SLC4A8: variants seen among roughly 807,000 people sequenced by gnomAD.
SLC4A8 encodes the protein electroneutral sodium bicarbonate exchanger 1.
Under a neutral mutation model 125.0 loss-of-function variants are expected in SLC4A8, and 40 were observed. That is an observed-to-expected ratio of 0.32 (90% confidence interval 0.25 to 0.42). SLC4A8 has a LOEUF of 0.42. Ranked by LOEUF, SLC4A8 falls within the 10% of genes least tolerant of loss-of-function variation. The pLI is 1.00. For missense variants in SLC4A8, 863 were observed against 1,355.1 expected (o/e 0.64, Z 5.70); for synonymous variants, 456 against 476.0 (o/e 0.96, Z 0.55).
chr12:51,403,569 T>G (rs1948433543), intron 1 of SLC4A8, among the ~76,000 whole-genome samples: 1 of 152,112 alleles, frequency 6.6e-6, no homozygotes, highest in Non-Finnish European at 1.5e-5. Flanking sequence ...TTGTGTCAAC[T>G]CCCAAAGAAG....
At chr12:51,430,311 G>A (rs977517385) in intron 1 of SLC4A8, among the ~76,000 whole-genome samples, 2 of 152,090 alleles carry the variant, frequency 1.3e-5, no homozygotes, top group African/African-American at 2.4e-5. Flanking sequence ...ACATGTTGGA[G>A]CTCAGTAAAT....
At chr12:51,454,377 A>G (rs538404409) in intron 5 of SLC4A8, among the ~76,000 whole-genome samples, 287 of 150,506 alleles carry the variant, frequency 1.9e-3, no homozygotes, top group Non-Finnish European at 3.4e-3. Flanking sequence ...GAGACAAAGT[A>G]TAGAGAAAGA....
chr12:51,503,452 C>T (rs921973184), intron 22 of SLC4A8, among the ~76,000 whole-genome samples: 1 of 152,090 alleles, frequency 6.6e-6, no homozygotes, highest in East Asian at 1.9e-4. Context: ...ACTTCATGAT[C>T]TGCCCACCTC....
rs201782205 is a variant in SLC4A8 at position 51,457,548 on chromosome 12, A to T, written c.763+9A>T. On this transcript the variant is annotated intron_variant, in intron 6 of 24. Coordinates refer to ENST00000453097, the MANE Select transcript of SLC4A8 (RefSeq NM_001039960.3). The stretch of plus-strand genomic sequence containing the variant: ...TTTGATGGATAAACATGGTAAGATT[A>T]TTAGGTGATTTTTCTCTCTTTATTA... 6.2e-5 allele frequency: 99 copies of T among 1,605,988 alleles called. 1 individual carries two copies. In the East Asian group the frequency reaches 2.0e-3, roughly 33 times the overall value.
At chr12:51,500,426 A>G (rs926511693) in intron 22 of SLC4A8, among the ~76,000 whole-genome samples, 5 of 152,116 alleles carry the variant, frequency 3.3e-5, no homozygotes, top group Non-Finnish European at 7.4e-5. Flanking sequence ...TGATAATTAT[A>G]TAATTGTGAG....
intron 24 of SLC4A8, among the ~76,000 whole-genome samples, chr12:51,506,431 CT>C (rs773339014): frequency 6.6e-6 from 1 of 150,698 alleles, no homozygotes; most frequent in Non-Finnish European, 1.5e-5. Flanking sequence ...TTTTCTTTTC[CT>C]TTTTTTCTTT....
chr12:51,436,050 A>G (rs778748135), intron 1 of SLC4A8, among the ~76,000 whole-genome samples: 4 of 152,214 alleles, frequency 2.6e-5, no homozygotes, highest in Non-Finnish European at 5.9e-5. Flanking sequence ...AAAAATAAAA[A>G]CGCATTGTAT....
At chr12:51,487,209 GAGA>G (rs770960404) in intron 17 of SLC4A8, among the ~76,000 whole-genome samples, 1 of 152,180 alleles carries the variant, frequency 6.6e-6, no homozygotes, top group African/African-American at 2.4e-5. Context: ...TCAGGAGGCA[GAGA>G]AGAAGTTTTC....
In SLC4A8 at chr12:51,507,495, T is replaced by C; in HGVS notation, c.*57T>C. On this transcript the variant is annotated 3_prime_UTR_variant, in exon 25 of 25. Transcript: ENST00000453097. Reference sequence around the variant, plus strand: ...TGTGGTGCCTCAGGGAAGTTCTGGTTACAGAGAAAATGGCGAGTCTCTCAG... The same window carrying C: ...TGTGGTGCCTCAGGGAAGTTCTGGTCACAGAGAAAATGGCGAGTCTCTCAG... The C allele has an allele frequency of 7.7e-7, 1 of 1,291,692 alleles. No homozygotes were observed. Among genetic ancestry groups the C allele is most frequent in the Non-Finnish European group, 1.0e-6 (1 of 987,390 alleles). The allele number at this position is 1,291,692 out of a possible 1,614,324, so 80.0% of individuals were successfully genotyped here. A position where few individuals can be genotyped will look rare whatever the true frequency, so the allele number is the denominator to read the frequency against.
At chr12:51,496,089 G>T (rs1176901373) in intron 21 of SLC4A8, among the ~76,000 whole-genome samples, 2 of 152,002 alleles carry the variant, frequency 1.3e-5, no homozygotes, top group Non-Finnish European at 2.9e-5. Context: ...TCTCAATTTT[G>T]TCAGGCTACA....
At chr12:51,484,981 G>C (rs1426753692) in intron 16 of SLC4A8, among the ~76,000 whole-genome samples, 1 of 152,118 alleles carries the variant, frequency 6.6e-6, no homozygotes, top group African/African-American at 2.4e-5. Flanking sequence ...GTTAGGTAGA[G>C]GCATGAACAA....
In SLC4A8 at chr12:51,495,132, T is replaced by A. The variant is rs745859523; in HGVS notation, c.2943+14T>A. Reference sequence around the variant, plus strand: ...TTCCCAATGATGGTGAGGTGGTTTTTAAAAAATAAATTCTTATTATCATTG... The same window carrying A: ...TTCCCAATGATGGTGAGGTGGTTTTAAAAAAATAAATTCTTATTATCATTG... On this transcript the variant is annotated intron_variant, in intron 21 of 24. Coordinates refer to ENST00000453097, the MANE Select transcript of SLC4A8 (RefSeq NM_001039960.3). 6.3e-7 allele frequency: 1 copy of A among 1,582,798 alleles called. No homozygotes were observed. The highest frequency in any genetic ancestry group is 8.6e-7 in the Non-Finnish European group (1 of 1,165,720).
chr12:51,401,795 C>T (rs890570552), intron 1 of SLC4A8, among the ~76,000 whole-genome samples: 2 of 152,128 alleles, frequency 1.3e-5, no homozygotes, highest in African/African-American at 4.8e-5. Context: ...CCACCCCCTT[C>T]CCTTCCCAGC....
chr12:51,425,307 C>G (rs1592160614), intron 1 of SLC4A8: 1 of 1,277,592 alleles, frequency 7.8e-7, no homozygotes. Flanking sequence ...AGCCGGCGGG[C>G]GGCGACCTCT....
chr12:51,452,168 G>T lies in SLC4A8; in HGVS notation c.322G>T (p.Asp108Tyr), dbSNP rs1445076939. Residue 108 changes from aspartate to tyrosine, a missense_variant, in exon 4 of 25, where the codon GAT (aspartate) becomes TAT (tyrosine). Physicochemically the swap from Asp to Tyr is radical, Grantham distance 160. This residue lies in a region of SLC4A8 where 390 missense variants were observed against 634.4 expected (regional missense o/e 0.61). Transcript: ENST00000453097. The stretch of plus-strand genomic sequence containing the variant: ...TCAGTTCATTCTTGGCACCGAGGAA[G>T]ATGAAGAGCATGTGCCTCATGAGCT... ...RVQFILGTEE[D>Y]EEHVPHELFT... 6.2e-7 allele frequency: 1 copy of T among 1,613,976 alleles called. No homozygotes were observed. Among genetic ancestry groups the T allele is most frequent in the Non-Finnish European group, 8.5e-7 (1 of 1,179,930 alleles).
intron 22 of SLC4A8, 97 bp downstream of exon 22, chr12:51,497,221 T>C: frequency 2.3e-6 from 3 of 1,292,168 alleles, no homozygotes; most frequent in Non-Finnish European, 3.2e-6. Flanking sequence ...ATCCCGAGGG[T>C]TATATTTAGG....
At chr12:51,471,130 T>G (rs1164270442) in intron 13 of SLC4A8, among the ~76,000 whole-genome samples, 157 bp from the exon 14 acceptor site, 2 of 152,200 alleles carry the variant, frequency 1.3e-5, no homozygotes, top group Non-Finnish European at 2.9e-5. Context: ...GTATCATAAC[T>G]GTGCCAGAGC....
chr12:51,451,161 AAT>A, intron 3 of SLC4A8, 139 bp downstream of exon 3: 1 of 835,408 alleles, frequency 1.2e-6, no homozygotes, highest in South Asian at 3.1e-5. Flanking sequence ...TCTAAGAAGA[AAT>A]GCCTCTAAGA....
intron 1 of SLC4A8, among the ~76,000 whole-genome samples, chr12:51,401,314 C>G (rs574719126): frequency 7.9e-5 from 12 of 152,234 alleles, no homozygotes; most frequent in South Asian, 6.2e-4. Context: ...CCGGAAAAAT[C>G]AGATCATATG....
Sources: allele counts gnomAD v4.1 joint callset (sites outside exome capture counted in the v4.1 genomes callset), GRCh38; gene constraint gnomAD v4.1.1; regional missense constraint gnomAD v4.1.1; transcripts MANE v1.5; gene names NCBI Gene and HGNC (gene_info 2026-07-23, HGNC 2026-07-21).